The following SLC4A10 variants were observed in gnomAD, a reference collection of about 807,000 sequenced individuals.
The protein encoded by SLC4A10 is solute carrier family 4 member 10.
A neutral mutation model predicts 137.7 loss-of-function variants in SLC4A10; 42 were observed. That is an observed-to-expected ratio of 0.30 (90% CI 0.24 to 0.39). The LOEUF is 0.39. Ranked by LOEUF, SLC4A10 falls within the 10% of genes least tolerant of loss-of-function variation. The probability of loss-of-function intolerance (pLI) is 1.00; values close to 1 mark genes in which losing one functional copy is unlikely to be tolerated. For missense variants in SLC4A10, 925 were observed against 1,355.0 expected (o/e 0.68, Z 4.98); for synonymous variants, 474 against 464.1 (o/e 1.02, Z -0.27).
At chr2:161,820,368 T>C (rs1244606852) in intron 3 of SLC4A10, among the ~76,000 whole-genome samples, 1 of 152,182 alleles carries the variant, frequency 6.6e-6, no homozygotes, top group African/African-American at 2.4e-5. Flanking sequence ...CATAGAAACA[T>C]ACATATAAAA....
intron 18 of SLC4A10, among the ~76,000 whole-genome samples, chr2:161,949,828 G>T (rs1335484864): frequency 6.6e-6 from 1 of 151,746 alleles, no homozygotes; most frequent in African/African-American, 2.4e-5. Context: ...CATATAACCT[G>T]AAGGTAATTT....
At chr2:161,684,446 G>A (rs1383304129) in intron 1 of SLC4A10, among the ~76,000 whole-genome samples, 1 of 152,114 alleles carries the variant, frequency 6.6e-6, no homozygotes, top group Non-Finnish European at 1.5e-5. Context: ...ATCAGTGAAA[G>A]ACATATTCCC....
intron 2 of SLC4A10, among the ~76,000 whole-genome samples, chr2:161,776,977 T>A (rs934946384): frequency 6.6e-6 from 1 of 151,722 alleles, no homozygotes; most frequent in African/African-American, 2.4e-5. Context: ...TTAACATCTT[T>A]TCATGTACTT....
chr2:161,937,986 T>C (rs948941344), intron 15 of SLC4A10, among the ~76,000 whole-genome samples: 2 of 151,946 alleles, frequency 1.3e-5, no homozygotes, highest in African/African-American at 4.8e-5. Context: ...GCTTTTAAAG[T>C]ATCAGGCCAG....
At chr2:161,853,129 A>G (rs2059920645) in intron 4 of SLC4A10, among the ~76,000 whole-genome samples, 1 of 152,124 alleles carries the variant, frequency 6.6e-6, no homozygotes, top group Admixed American at 6.6e-5. Flanking sequence ...ATTAATTCTG[A>G]TTAGGATTTT....
At chr2:161,713,718 A>G (rs183149817) in intron 1 of SLC4A10, among the ~76,000 whole-genome samples, 1 of 152,038 alleles carries the variant, frequency 6.6e-6, no homozygotes, top group Admixed American at 6.6e-5. Context: ...TAAAATTGCC[A>G]TTTTGAATCA....
intron 1 of SLC4A10, among the ~76,000 whole-genome samples, chr2:161,692,356 A>G (rs2042086285): frequency 6.6e-6 from 1 of 151,984 alleles, no homozygotes; most frequent in Non-Finnish European, 1.5e-5. Context: ...TGAAATTTGG[A>G]TTGTTGAGCA....
Position 161,905,642 on chromosome 2 carries a change from A to G in SLC4A10, c.1752A>G (p.Lys584=), listed in dbSNP as rs745872016. The G allele has an allele frequency of 3.7e-5, 59 of 1,586,694 alleles. No individual in the cohort carries two copies. The highest frequency in any genetic ancestry group is 5.0e-5 in the Non-Finnish European group (58 of 1,167,648). ...VFEKILFKFC[K]EYGLSYLSLR... is the part of the protein sequence containing the mutation. ...TGTTCTTTCCTTTTCCTCCTCCCAG[A>G]GAATATGGGCTGTCATACCTATCTT... is the stretch of plus-strand genomic sequence containing the variant. Residue 584 remains lysine, a splice_region_variant and synonymous_variant, in exon 15 of 27, where the codon AAA becomes AAG. Transcript: ENST00000446997.
At chr2:161,973,872 T>C (rs1439095143) in intron 23 of SLC4A10, among the ~76,000 whole-genome samples, 2 of 152,156 alleles carry the variant, frequency 1.3e-5, no homozygotes, top group Non-Finnish European at 2.9e-5. Context: ...CCTCATCCTC[T>C]CCTCATAGAG....
chr2:161,833,011 T>C (rs2058537595), intron 3 of SLC4A10, among the ~76,000 whole-genome samples: 1 of 152,188 alleles, frequency 6.6e-6, no homozygotes, highest in South Asian at 2.1e-4. Flanking sequence ...AAGTGCAGTG[T>C]TGGGATTACA....
chr2:161,962,781 A>G (rs947731577), intron 21 of SLC4A10, among the ~76,000 whole-genome samples: 3 of 152,246 alleles, frequency 2.0e-5, no homozygotes, highest in African/African-American at 7.2e-5. Flanking sequence ...AAGGGAAGAT[A>G]GGTTTATGTT....
intron 5 of SLC4A10, among the ~76,000 whole-genome samples, chr2:161,860,439 A>G (rs567614908): frequency 6.6e-6 from 1 of 152,296 alleles, no homozygotes. Context: ...CTGGGAATTC[A>G]TATCATGGCT....
At chr2:161,907,378 G>T (rs986864400) in intron 15 of SLC4A10, among the ~76,000 whole-genome samples, 1 of 152,182 alleles carries the variant, frequency 6.6e-6, no homozygotes, top group Non-Finnish European at 1.5e-5. Flanking sequence ...TTACCTGAAA[G>T]AGAATCTCAC....
At chr2:161,845,085 T>C (rs1439467546) in intron 4 of SLC4A10, among the ~76,000 whole-genome samples, 3 of 152,118 alleles carry the variant, frequency 2.0e-5, no homozygotes. Context: ...CTTTAGGTCA[T>C]TAACTGCAAT....
chr2:161,723,744 A>T (rs1340231105), intron 1 of SLC4A10, among the ~76,000 whole-genome samples: 1 of 152,214 alleles, frequency 6.6e-6, no homozygotes, highest in African/African-American at 2.4e-5. Context: ...CAGAAGCACT[A>T]AATAAAATCT....
intron 19 of SLC4A10, among the ~76,000 whole-genome samples, chr2:161,951,260 C>G (rs1012162115): frequency 7.9e-5 from 12 of 152,138 alleles, no homozygotes; most frequent in African/African-American, 2.9e-4. Flanking sequence ...ATTACAACTT[C>G]AACTATTTCT....
intron 8 of SLC4A10, among the ~76,000 whole-genome samples, chr2:161,875,664 A>G (rs944581539): frequency 2.6e-5 from 4 of 152,176 alleles, no homozygotes; most frequent in Admixed American, 1.3e-4. Flanking sequence ...TTTTACTTCA[A>G]ATGACCCAGA....
chr2:161,774,277 TC>T (rs1206322642), intron 2 of SLC4A10, among the ~76,000 whole-genome samples: 2 of 151,926 alleles, frequency 1.3e-5, no homozygotes, highest in Admixed American at 1.3e-4. Flanking sequence ...AATTATTTCT[TC>T]TACTTTCCCT....
rs2038940938 is a variant in SLC4A10, at chr2:161,665,530, A to G, written c.48+40964A>G. On this transcript the variant is annotated intron_variant, in intron 1 of 26. Transcript: ENST00000446997. Reference sequence around the variant, plus strand: ...ATAGGTGAAGTCCTGTGGAAAAAAAAGCATATTTGAATATTGATTGGTTTC... The same window carrying G: ...ATAGGTGAAGTCCTGTGGAAAAAAAGGCATATTTGAATATTGATTGGTTTC... 4.0e-5 allele frequency among the ~76,000 whole-genome samples: 6 copies of G among 151,728 alleles called. No individual in the cohort carries two copies. In the South Asian group the frequency reaches 1.2e-3, roughly 31 times the overall value.
Sources: gnomAD v4.1 joint callset for allele counts (sites outside exome capture counted in the v4.1 genomes callset) on GRCh38, gnomAD v4.1.1 for gene constraint, MANE v1.5 for transcripts, NCBI Gene and HGNC (gene_info 2026-07-23, HGNC 2026-07-21) for gene names.